Variants in LPP observed in about 807,000 individuals in gnomAD.
LPP encodes the protein lipoma-preferred partner.
Under a neutral mutation model 60.4 loss-of-function variants are expected in LPP, and 38 were observed. The ratio of observed to expected loss-of-function variants is 0.63; its 90% CI spans 0.49 to 0.83. LPP has a LOEUF of 0.83. Among genes scored for constraint, LPP ranks in the 40% least tolerant of loss-of-function variants. The pLI, the probability that LPP is intolerant of heterozygous loss-of-function variation, is 0.00. For synonymous variants in LPP, 328 were observed against 290.8 expected, an observed-to-expected ratio of 1.13 and a Z score of -1.30; for missense variants, 902 against 783.6, an observed-to-expected ratio of 1.15 and a Z score of -1.80.
chr3:188,703,445 T>G (rs1340448741), intron 7 of LPP, among the ~76,000 whole-genome samples: 2 of 152,204 alleles, frequency 1.3e-5, no homozygotes, highest in Non-Finnish European at 2.9e-5. Context: ...ACTGAAAGTT[T>G]TAAGCTGTCT....
chr3:188,428,735 C>T (rs555021797), intron 4 of LPP, among the ~76,000 whole-genome samples: 124 of 151,908 alleles, frequency 8.2e-4, no homozygotes, highest in Non-Finnish European at 1.4e-3. Flanking sequence ...ACTGAAAGAA[C>T]GCTTTCTGTC....
At chr3:188,679,552 TGTGTGTGTGTGC>T (rs1325753411) in intron 7 of LPP, among the ~76,000 whole-genome samples, 9 of 140,164 alleles carry the variant, frequency 6.4e-5, no homozygotes, top group South Asian at 2.3e-4. Flanking sequence ...TGTGTGTGTG[TGTGTGTGTGTGC>T]GCGCGCGCAT....
intron 4 of LPP, among the ~76,000 whole-genome samples, chr3:188,408,754 G>C (rs1254525151): frequency 6.9e-6 from 1 of 143,944 alleles, no homozygotes; most frequent in South Asian, 2.2e-4. Context: ...CCTACAAAAT[G>C]TTTTTTTTTT....
chr3:188,288,091 G>C (rs1285370053), intron 2 of LPP, among the ~76,000 whole-genome samples: 2 of 152,178 alleles, frequency 1.3e-5, no homozygotes, highest in Non-Finnish European at 2.9e-5. Flanking sequence ...TAGCAAGTTA[G>C]GGTTATAATT....
At chr3:188,522,703 A>C (rs1176909274) in intron 5 of LPP, among the ~76,000 whole-genome samples, 5 of 150,406 alleles carry the variant, frequency 3.3e-5, no homozygotes, top group African/African-American at 1.2e-4. Flanking sequence ...GAATAACATG[A>C]CGTGATGTAG....
intron 6 of LPP, among the ~76,000 whole-genome samples, chr3:188,537,403 T>G (rs2150344743): frequency 6.6e-6 from 1 of 152,334 alleles, no homozygotes; most frequent in South Asian, 2.1e-4. Context: ...ATCAGTATTT[T>G]GAAAGTTGTG....
At chr3:188,319,289 C>G (rs1756235869) in intron 2 of LPP, among the ~76,000 whole-genome samples, 1 of 152,102 alleles carries the variant, frequency 6.6e-6, no homozygotes, top group Admixed American at 6.5e-5. Context: ...AGAGGATTCT[C>G]TATATAATGC....
chr3:188,187,505 T>C (rs1315857208), intron 1 of LPP, among the ~76,000 whole-genome samples: 1 of 152,126 alleles, frequency 6.6e-6, no homozygotes, highest in Non-Finnish European at 1.5e-5. Context: ...AATTTTAGGC[T>C]GTATTTTGTT....
intron 6 of LPP, among the ~76,000 whole-genome samples, chr3:188,548,924 A>G (rs891451082): frequency 6.6e-6 from 1 of 152,202 alleles, no homozygotes; most frequent in Non-Finnish European, 1.5e-5. Flanking sequence ...ACATCTAGGT[A>G]GTAGGAATAG....
chr3:188,417,212 GAATA>G (rs1400014799), intron 4 of LPP, among the ~76,000 whole-genome samples: 2 of 151,866 alleles, frequency 1.3e-5, no homozygotes, highest in African/African-American at 4.8e-5. Context: ...TCTTCAAACA[GAATA>G]GATAAGTCTA....
intron 1 of LPP, among the ~76,000 whole-genome samples, chr3:188,212,151 G>A (rs1046748189): frequency 6.6e-6 from 1 of 152,160 alleles, no homozygotes; most frequent in African/African-American, 2.4e-5. Flanking sequence ...GAGCCACTGT[G>A]CCCGGCCGAG....
intron 6 of LPP, among the ~76,000 whole-genome samples, chr3:188,527,242 CG>C (rs1560522151): frequency 1.4e-5 from 2 of 147,864 alleles, no homozygotes; most frequent in African/African-American, 5.0e-5. Flanking sequence ...CCCAGCTATT[CG>C]GGAGGCTGAG....
intron 2 of LPP, among the ~76,000 whole-genome samples, chr3:188,269,026 T>C (rs1421060887): frequency 6.6e-6 from 1 of 152,192 alleles, no homozygotes; most frequent in Non-Finnish European, 1.5e-5. Flanking sequence ...GATTGCTGCC[T>C]CCAGGGGTCT....
chr3:188,359,260 A>T (rs1768528847), intron 3 of LPP, among the ~76,000 whole-genome samples: 1 of 152,198 alleles, frequency 6.6e-6, no homozygotes. Flanking sequence ...GTTATGTGTC[A>T]GTTAGAAAGC....
At chr3:188,579,064 A>G (rs1456495559) in intron 6 of LPP, among the ~76,000 whole-genome samples, 1 of 152,170 alleles carries the variant, frequency 6.6e-6, no homozygotes, top group African/African-American at 2.4e-5. Flanking sequence ...ACTAAAAATA[A>G]ACTTATGATA....
intron 2 of LPP, among the ~76,000 whole-genome samples, chr3:188,277,151 G>A (rs1330912337): frequency 4.0e-5 from 6 of 151,882 alleles, no homozygotes; most frequent in African/African-American, 7.3e-5. Flanking sequence ...TGATCCACCC[G>A]CCTCCACCTC....
chr3:188,371,959 G>A (rs1284343191), intron 3 of LPP, among the ~76,000 whole-genome samples: 1 of 151,188 alleles, frequency 6.6e-6, no homozygotes, highest in African/African-American at 2.4e-5. Context: ...TGCCAGGCCA[G>A]TTGTGGGAAT....
intron 9 of LPP, among the ~76,000 whole-genome samples, chr3:188,786,567 C>T: frequency 6.6e-6 from 1 of 152,058 alleles, no homozygotes; most frequent in East Asian, 1.9e-4. Context: ...CCAGCAGTTG[C>T]ACTCCTGGGC....
At chr3:188,588,245 A>G (rs1217627000) in intron 6 of LPP, among the ~76,000 whole-genome samples, 1 of 152,218 alleles carries the variant, frequency 6.6e-6, no homozygotes. Flanking sequence ...AGTAATTTGC[A>G]TCAGAGGTGT....
Sources: allele counts gnomAD v4.1 joint callset (sites outside exome capture counted in the v4.1 genomes callset), GRCh38; gene constraint gnomAD v4.1.1; transcripts MANE v1.5; gene names NCBI Gene and HGNC (gene_info 2026-07-23, HGNC 2026-07-21).